POLG: variants seen among roughly 807,000 people sequenced by gnomAD.
POLG encodes the protein DNA polymerase gamma, catalytic subunit, also known as DNA polymerase subunit gamma-1.
A neutral mutation model predicts 155.4 loss-of-function variants in POLG; 110 were observed. The observed-to-expected ratio is 0.71, with a 90% confidence interval of 0.61 to 0.83. The LOEUF (loss-of-function observed/expected upper bound fraction) is 0.83. Among genes scored for constraint, POLG ranks in the 40% least tolerant of loss-of-function variants. The pLI is 0.00. For missense variants in POLG, 1,685 were observed against 1,627.5 expected (o/e 1.04, Z -0.61); for synonymous variants, 701 against 631.5 (o/e 1.11, Z -1.65).
intron 22 of POLG, 59 bp downstream of exon 22, chr15:89,317,317 C>T (rs1204887867): frequency 2.6e-6 from 4 of 1,561,276 alleles, no homozygotes; most frequent in Non-Finnish European, 3.5e-6. Context: ...TCTCCAAGAC[C>T]CACTTTCTAG....
At chr15:89,325,101 A>AGAGTGAGT (rs1300475750) in intron 10 of POLG, among the ~76,000 whole-genome samples, 1 of 71,052 alleles carries the variant, frequency 1.4e-5, no homozygotes, top group African/African-American at 1.3e-4. Flanking sequence ...AGTGAGTGAG[A>AGAGTGAGT]GAGTGAGAGA....
chr15:89,317,002 G>GTCT (rs1555452148), intron 22 of POLG, 175 bp from the exon 23 acceptor site: 1 of 632,146 alleles, frequency 1.6e-6, no homozygotes, highest in Non-Finnish European at 2.8e-6. Context: ...ATATAAGTGT[G>GTCT]TCTTAGATAT....
Position 89,333,241 on chromosome 15 carries a change from C to T in POLG, c.514G>A (p.Ala172Thr). Reference protein sequence around the residue: ...LPPKPPAWAWAEGWTRYGPEG... With the variant: ...LPPKPPAWAWTEGWTRYGPEG... Reference sequence around the variant, plus strand: ...GGGCCGTACCGGGTCCAGCCCTCCGCCCAGGCCCAAGCCGGGGGCTTCGGG... The same window carrying T: ...GGGCCGTACCGGGTCCAGCCCTCCGTCCAGGCCCAAGCCGGGGGCTTCGGG... The change falls in exon 2 of 23, where the codon GCG (alanine) becomes ACG (threonine). Residue 172 changes from alanine (A) to threonine (T), a missense_variant. Physicochemically the swap from Ala to Thr is moderately conservative, Grantham distance 58. Around this residue, in one of 3 missense-constraint regions of POLG, gnomAD observed 1,210 missense variants for 1,167.1 expected, o/e 1.04. Transcript: ENST00000268124. 1 of 1,579,292 alleles carries T rather than the reference C, an allele frequency of 6.3e-7. No homozygotes were observed. The highest frequency in any genetic ancestry group is 8.6e-7 in the Non-Finnish European group (1 of 1,160,960).
In POLG at chr15:89,334,030, G is replaced by A. The variant is rs192208958; in HGVS notation, c.-159-117C>T. 8 of 522,762 alleles carry A rather than the reference G, an allele frequency of 1.5e-5. No homozygotes were observed. In the Admixed American group the frequency reaches 2.1e-4, roughly 14 times the overall value. 32.4% of individuals were successfully genotyped at this position (522,762 alleles called of 1,614,324 possible). A position where few individuals can be genotyped will look rare whatever the true frequency, so the allele number is the denominator to read the frequency against. On this transcript the variant is annotated intron_variant, in intron 1 of 22. Transcript: ENST00000268124. ...CAACACTGTGCCAGGCGCTTCAGTT[G>A]CATTTTCCGTTAAGCCTCAAAACTT... is the stretch of plus-strand genomic sequence containing the variant.
intron 3 of POLG, among the ~76,000 whole-genome samples, chr15:89,329,698 T>G (rs753361131): frequency 1.5e-4 from 23 of 152,200 alleles, no homozygotes; most frequent in Non-Finnish European, 2.9e-4. Flanking sequence ...CTATGAGATT[T>G]CTGTTATGTC....
At chr15:89,333,937 G>C (rs924003607) in intron 1 of POLG, 24 bp from the exon 2 acceptor site, 3 of 666,546 alleles carry the variant, frequency 4.5e-6, no homozygotes, top group Non-Finnish European at 7.7e-6. Context: ...ATGATATAAA[G>C]CGTTATTTTA....
At chr15:89,327,462 A>G in intron 6 of POLG, 113 bp from the exon 7 acceptor site, 1 of 921,310 alleles carries the variant, frequency 1.1e-6, no homozygotes, top group East Asian at 2.5e-5. Flanking sequence ...CACAGCTCAA[A>G]AGTCAGACGG....
chr15:89,329,615 T>C (rs3176171), intron 3 of POLG, among the ~76,000 whole-genome samples: 4,405 of 152,326 alleles, frequency 0.029, 178 homozygotes, highest in African/African-American at 0.094. Flanking sequence ...AAATTAAGAA[T>C]TGCCACTACT....
chr15:89,330,953 C>A (rs532022437), intron 2 of POLG, among the ~76,000 whole-genome samples: 1 of 152,114 alleles, frequency 6.6e-6, no homozygotes, highest in African/African-American at 2.4e-5. Context: ...GGGCCCGACA[C>A]TGATTCAGGA....
At chr15:89,317,046 T>C in intron 22 of POLG, 1 of 595,526 alleles carries the variant, frequency 1.7e-6, no homozygotes, top group South Asian at 2.0e-5. Flanking sequence ...CTGATTTACT[T>C]GTTTGGTATT....
At position 89,333,865 on chromosome 15, in the gene POLG, C is replaced by T. The variant is rs1460914423; in HGVS notation, c.-111G>A. On this transcript the variant is annotated 5_prime_UTR_variant, in exon 2 of 23. Transcript: ENST00000268124. ...GAGAGAGACACGTCCTGTCTCTGCT[C>T]TCCTGTCAGTGAAATGGGTTTGACC... 7.7e-7 allele frequency: 1 copy of T among 1,306,432 alleles called. No homozygotes were observed. Among genetic ancestry groups the T allele is most frequent in the Non-Finnish European group, 1.1e-6 (1 of 942,054 alleles). The allele number at this position is 1,306,432 out of a possible 1,614,324, so 80.9% of individuals were successfully genotyped here.
rs1469478675 is a variant in POLG at position 89,324,144 on chromosome 15, T to C, written c.2033A>G (p.Glu678Gly). Residue 678 changes from glutamate to glycine, a missense_variant, in exon 11 of 23, where the codon GAG (glutamate) becomes GGG (glycine). This residue lies in a region of POLG where 1,210 missense variants were observed against 1,167.1 expected (regional missense o/e 1.04). Transcript: ENST00000268124. ...LMPQEAGLAE[E>G]FLLTDNSAIW... ...GGCACTATTGTCAGTGAGCAGGAAC[T>C]CCTCCGCCAGGCCGGCCTCCTGGGG... The C allele has an allele frequency of 1.2e-6, 2 of 1,613,930 alleles. No homozygotes were observed. Among genetic ancestry groups the C allele is most frequent in the Non-Finnish European group, 1.7e-6 (2 of 1,180,036 alleles).
intron 21 of POLG, 116 bp downstream of exon 21, chr15:89,318,425 A>C: frequency 1.3e-6 from 1 of 747,758 alleles, no homozygotes; most frequent in Non-Finnish European, 2.3e-6. Context: ...ATAAGCTGAA[A>C]CATTCACTTC....
chr15:89,321,224 G>C lies in POLG; in HGVS notation c.2635C>G (p.Gln879Glu), dbSNP rs2055391438. Residue 879 changes from glutamine to glutamate, a missense_variant, in exon 17 of 23, where the codon CAG becomes GAG. Gln to Glu is a conservative substitution (Grantham distance 29). This residue lies in a region of POLG where 1,210 missense variants were observed against 1,167.1 expected (regional missense o/e 1.04). Coordinates refer to ENST00000268124, the MANE Select transcript of POLG (RefSeq NM_002693.3). ...ACAAGGGTGTAGCCAGGTGGGGCCT[G>C]CACCATGGCTTTCAACTCACTGCCT... ...RVGSELKAMV[Q>E]APPGYTLVGA... The C allele has an allele frequency of 1.2e-6, 2 of 1,614,002 alleles. No homozygotes were observed. The highest frequency in any genetic ancestry group is 3.3e-5 in the Admixed American group (2 of 60,012).
chr15:89,325,171 A>T lies in POLG; in HGVS notation c.1949+279T>A, dbSNP rs149917446. Among the ~76,000 whole-genome samples the T allele has an allele frequency of 2.4e-3, 139 of 58,522 alleles. 3 individuals carry two copies. Among genetic ancestry groups the T allele is most frequent in the East Asian group, 8.4e-3 (14 of 1,660 alleles). 38.4% of individuals were successfully genotyped at this position (58,522 alleles called of 152,430 possible). On this transcript the variant is annotated intron_variant, in intron 10 of 22. Transcript: ENST00000268124. ...GTGAGTGAGTGAGTGAGTGAGTGAG[A>T]GAGTGAGAGAGTGAGTGAGTGAGAG...
chr15:89,319,942 AC>A (rs1427237581), intron 18 of POLG, among the ~76,000 whole-genome samples: 1 of 152,102 alleles, frequency 6.6e-6, no homozygotes, highest in African/African-American at 2.4e-5. Flanking sequence ...CACCACCTGC[AC>A]CCACAGTCCA....
intron 10 of POLG, among the ~76,000 whole-genome samples, chr15:89,325,106 G>A (rs1460263167): frequency 2.5e-4 from 16 of 63,648 alleles, no homozygotes; most frequent in African/African-American, 1.6e-3. Context: ...GTGAGAGAGT[G>A]AGAGAGAGTG....
rs121918052 is a variant in POLG, at chr15:89,327,006, C to G, written c.1491G>C (p.Gln497His). The G allele has an allele frequency of 5.5e-5, 89 of 1,614,214 alleles. No individual in the cohort carries two copies. The highest frequency in any genetic ancestry group is 6.4e-5 in the Non-Finnish European group (75 of 1,180,048). ...DLEWDLQEFK[Q>H]KKAKKVKKEP... Reference sequence around the variant, plus strand: ...CCTTCTTCACCTTCTTAGCTTTCTTCTGCTTAAATTCTTGCAGGTCCCACT... The same window carrying G: ...CCTTCTTCACCTTCTTAGCTTTCTTGTGCTTAAATTCTTGCAGGTCCCACT... Residue 497 changes from glutamine to histidine, a missense_variant, in exon 8 of 23, where the codon CAG (glutamine) becomes CAC (histidine). By Grantham distance (24) the Gln-to-His change is conservative. Transcript: ENST00000268124.
In POLG at chr15:89,325,081, T is replaced by TGAGA. The variant is rs376001140; in HGVS notation, c.1949+365_1949+368dup. Among the ~76,000 whole-genome samples the TGAGA allele has an allele frequency of 6.9e-5, 3 of 43,238 alleles. 1 individual carries two copies. The highest frequency in any genetic ancestry group is 1.8e-4 in the African/African-American group (2 of 10,862). 28.4% of individuals were successfully genotyped at this position (43,238 alleles called of 152,430 possible). ...GAGAGTGAGTGAGTGAGTGAGTGAG[T>TGAGA]GAGAGAGTGAGTGAGTGAGAGAGTG... is the stretch of plus-strand genomic sequence containing the variant. On this transcript the variant is annotated intron_variant, in intron 10 of 22. Coordinates refer to ENST00000268124, the MANE Select transcript of POLG (RefSeq NM_002693.3).
Sources: gnomAD v4.1 joint callset for allele counts (sites outside exome capture counted in the v4.1 genomes callset) on GRCh38, gnomAD v4.1.1 for gene constraint, gnomAD v4.1.1 regional missense constraint, MANE v1.5 for transcripts, NCBI Gene and HGNC (gene_info 2026-07-23, HGNC 2026-07-21) for gene names.